TSPAN18: variants seen among roughly 807,000 people sequenced by gnomAD.
The protein encoded by TSPAN18 is tetraspanin 18.
Under a neutral mutation model 27.3 loss-of-function variants are expected in TSPAN18, and 14 were observed. The observed-to-expected ratio is 0.51, with a 90% CI of 0.34 to 0.80. TSPAN18 has a LOEUF of 0.80. Ranked by LOEUF, TSPAN18 falls within the 30% of genes least tolerant of loss-of-function variation. The pLI is 0.01. For missense variants in TSPAN18, 268 were observed against 323.9 expected (o/e 0.83, Z 1.32); for synonymous variants, 143 against 136.5 (o/e 1.05, Z -0.33).
Position 44,930,422 on chromosome 11 carries a change from C to A in TSPAN18, c.*1244C>A, listed in dbSNP as rs1036322172. ...CCATGGCATCCCACTTGCCCACTCT[C>A]CTTCCTGGAGTGTTGAGGTCACACA... On this transcript the variant is annotated 3_prime_UTR_variant, in exon 10 of 10. Transcript: ENST00000520358. 2 of 176,066 alleles carry A rather than the reference C, an allele frequency of 1.1e-5. No homozygotes were observed. The highest frequency in any genetic ancestry group is 1.2e-4 in the Admixed American group (2 of 17,288). 10.9% of individuals were successfully genotyped at this position (176,066 alleles called of 1,614,324 possible). A position where few individuals can be genotyped will look rare whatever the true frequency, so the allele number is the denominator to read the frequency against.
chr11:44,775,122 C>T (rs1337611440), intron 2 of TSPAN18, among the ~76,000 whole-genome samples: 1 of 152,136 alleles, frequency 6.6e-6, no homozygotes, highest in Non-Finnish European at 1.5e-5. Context: ...TGGGAGGGGT[C>T]GCCAGGTACA....
At chr11:44,849,526 A>G (rs1258122293) in intron 2 of TSPAN18, among the ~76,000 whole-genome samples, 1 of 152,170 alleles carries the variant, frequency 6.6e-6, no homozygotes, top group Non-Finnish European at 1.5e-5. Context: ...GTCAGTGGCT[A>G]CGGGCTAGGC....
intron 3 of TSPAN18, among the ~76,000 whole-genome samples, chr11:44,892,442 A>T (rs1858884940): frequency 6.6e-6 from 1 of 152,098 alleles, no homozygotes; most frequent in African/African-American, 2.4e-5. Context: ...TAATGGAGTG[A>T]CCTCCGTGCT....
intron 1 of TSPAN18, among the ~76,000 whole-genome samples, chr11:44,729,732 G>T (rs944168729): frequency 1.3e-5 from 2 of 152,098 alleles, no homozygotes; most frequent in Non-Finnish European, 2.9e-5. Context: ...GTTGGGTTTA[G>T]GACACCTTGG....
At chr11:44,776,816 G>T (rs920993518) in intron 2 of TSPAN18, among the ~76,000 whole-genome samples, 1 of 152,190 alleles carries the variant, frequency 6.6e-6, no homozygotes, top group Non-Finnish European at 1.5e-5. Flanking sequence ...GCTGGCCATT[G>T]TCATCCTAGG....
chr11:44,871,624 G>A (rs1276411193), intron 3 of TSPAN18, among the ~76,000 whole-genome samples: 1 of 152,192 alleles, frequency 6.6e-6, no homozygotes, highest in Non-Finnish European at 1.5e-5. Context: ...ACGACCAGCA[G>A]AACATAGTCA....
chr11:44,828,263 TG>T (rs1403153159), intron 2 of TSPAN18, among the ~76,000 whole-genome samples: 1 of 152,184 alleles, frequency 6.6e-6, no homozygotes, highest in Non-Finnish European at 1.5e-5. Flanking sequence ...TGCATCATTC[TG>T]ATCCCGAATC....
intron 2 of TSPAN18, among the ~76,000 whole-genome samples, chr11:44,820,221 T>G (rs1462863982): frequency 6.6e-6 from 1 of 152,200 alleles, no homozygotes; most frequent in Non-Finnish European, 1.5e-5. Context: ...CACATTCTCA[T>G]GGGTTTCAGT....
chr11:44,779,131 C>G (rs1449138775), intron 2 of TSPAN18, among the ~76,000 whole-genome samples: 1 of 152,020 alleles, frequency 6.6e-6, no homozygotes, highest in Non-Finnish European at 1.5e-5. Context: ...CCCCACAGCC[C>G]TTTTTGGCAA....
intron 5 of TSPAN18, among the ~76,000 whole-genome samples, chr11:44,916,639 C>A (rs112233212): frequency 1.4e-3 from 214 of 152,232 alleles, no homozygotes; most frequent in African/African-American, 4.9e-3. Context: ...GAGTGGTTGT[C>A]CCATGACACA....
At chr11:44,911,645 C>A (rs1859719248) in intron 5 of TSPAN18, among the ~76,000 whole-genome samples, 2 of 152,144 alleles carry the variant, frequency 1.3e-5, no homozygotes, top group South Asian at 4.2e-4. Context: ...CTCACCTCGG[C>A]CCCCAGGGAC....
At chr11:44,737,444 G>C (rs1854824327) in intron 1 of TSPAN18, among the ~76,000 whole-genome samples, 1 of 152,140 alleles carries the variant, frequency 6.6e-6, no homozygotes, top group Admixed American at 6.5e-5. Flanking sequence ...ACACCAGAGA[G>C]GCCCACCCTT....
chr11:44,840,652 C>T (rs984959771), intron 2 of TSPAN18, among the ~76,000 whole-genome samples: 25 of 152,276 alleles, frequency 1.6e-4, no homozygotes, highest in South Asian at 2.1e-4. Context: ...TCAACAGAAA[C>T]GCAGCGGCAT....
At position 44,897,784 on chromosome 11, in the gene TSPAN18, G is replaced by A. The variant is rs60703187; in HGVS notation, c.-10-8623G>A. 3,064 of 1,289,302 alleles carry A rather than the reference G, an allele frequency of 2.4e-3. 54 individuals carry two copies. The African/African-American group carries it at 0.034, about 14-fold the overall frequency. 79.9% of individuals were successfully genotyped at this position (1,289,302 alleles called of 1,614,324 possible). ...GATAAAAGAAATATACACAAGCCTC[G>A]CTGACGGGAGAGTCTGTCCTGCTGA... On this transcript the variant is annotated intron_variant, in intron 3 of 9. Transcript: ENST00000520358.
chr11:44,758,708 G>A (rs1309001695), intron 1 of TSPAN18, among the ~76,000 whole-genome samples: 1 of 152,184 alleles, frequency 6.6e-6, no homozygotes, highest in Non-Finnish European at 1.5e-5. Context: ...AAGCCTGTGA[G>A]GTGGGACTAT....
At chr11:44,909,307 A>G (rs1245891154) in intron 4 of TSPAN18, among the ~76,000 whole-genome samples, 1 of 152,142 alleles carries the variant, frequency 6.6e-6, no homozygotes, top group East Asian at 1.9e-4. Flanking sequence ...TGACTCTGCC[A>G]TGAACTTGCT....
Position 44,790,076 on chromosome 11 carries a change from C to T in TSPAN18, c.-153+25564C>T, listed in dbSNP as rs576405498. On this transcript the variant is annotated intron_variant, in intron 2 of 9. Coordinates refer to ENST00000520358, the MANE Select transcript of TSPAN18 (RefSeq NM_130783.5). Reference sequence around the variant, plus strand: ...CTCAGACATCATGGGCTTACTGCCCCTGGTGGGTCGGGGCAGCAGCTTCAC... The same window carrying T: ...CTCAGACATCATGGGCTTACTGCCCTTGGTGGGTCGGGGCAGCAGCTTCAC... Among the ~76,000 whole-genome samples the T allele has an allele frequency of 3.9e-5, 6 of 152,362 alleles. No individual in the cohort carries two copies. In the East Asian group the frequency reaches 1.2e-3, roughly 29 times the overall value.
chr11:44,796,936 G>A (rs911466270), intron 2 of TSPAN18, among the ~76,000 whole-genome samples: 2 of 152,164 alleles, frequency 1.3e-5, no homozygotes, highest in African/African-American at 2.4e-5. Flanking sequence ...TGGCTGGTGG[G>A]TTTCCTATGG....
intron 1 of TSPAN18, among the ~76,000 whole-genome samples, chr11:44,752,460 G>C (rs555663348): frequency 4.1e-4 from 63 of 152,252 alleles, no homozygotes; most frequent in African/African-American, 1.5e-3. Context: ...TGGCAACAGA[G>C]CACCTTTCTG....
Sources: gnomAD v4.1 joint callset for allele counts (sites outside exome capture counted in the v4.1 genomes callset) on GRCh38, gnomAD v4.1.1 for gene constraint, MANE v1.5 for transcripts, NCBI Gene and HGNC (gene_info 2026-07-23, HGNC 2026-07-21) for gene names.